ARHGAP15: variants seen among roughly 807,000 people sequenced by gnomAD.
ARHGAP15 encodes Rho GTPase activating protein 15.
A neutral mutation model predicts 63.7 loss-of-function variants in ARHGAP15; 51 were observed. The observed-to-expected ratio is 0.80, with a 90% CI of 0.64 to 1.01. The LOEUF is 1.01. ARHGAP15 is among the 50% of genes least tolerant of loss of function. ARHGAP15 has a pLI of 0.00. For missense variants in ARHGAP15, 560 were observed against 564.6 expected (o/e 0.99, Z 0.08); for synonymous variants, 191 against 193.8 (o/e 0.99, Z 0.12).
chr2:143,498,445 TC>T (rs1466721247), intron 9 of ARHGAP15, among the ~76,000 whole-genome samples: 1 of 152,208 alleles, frequency 6.6e-6, no homozygotes, highest in Non-Finnish European at 1.5e-5. Context: ...GAGGTATATC[TC>T]CCAGCTTTTC....
chr2:143,423,478 A>G (rs541858096), intron 6 of ARHGAP15, among the ~76,000 whole-genome samples: 12 of 152,290 alleles, frequency 7.9e-5, no homozygotes, highest in African/African-American at 2.9e-4. Flanking sequence ...GGCTGAATGC[A>G]GGGACATGTG....
intron 13 of ARHGAP15, among the ~76,000 whole-genome samples, chr2:143,723,790 T>C (rs1685164639): frequency 6.6e-6 from 1 of 152,178 alleles, no homozygotes; most frequent in Admixed American, 6.5e-5. Context: ...ATCACTGTGT[T>C]GATAGTACAT....
intron 13 of ARHGAP15, among the ~76,000 whole-genome samples, chr2:143,753,207 T>C (rs1686447350): frequency 6.6e-6 from 1 of 152,212 alleles, no homozygotes; most frequent in Admixed American, 6.5e-5. Context: ...GCAAGGAGGC[T>C]TATTGCAATT....
chr2:143,166,001 A>AGAAGGAAGGAAGGAAGGAAGGAAG (rs1553442877), intron 2 of ARHGAP15, among the ~76,000 whole-genome samples: 1 of 101,110 alleles, frequency 9.9e-6, no homozygotes, highest in African/African-American at 4.5e-5. Context: ...AAAGAAAGAA[A>AGAAGGAAGGAAGGAAGGAAGGAAG]GAAGGAAGGA....
intron 13 of ARHGAP15, chr2:143,706,457 C>G (rs1277663979): frequency 6.6e-6 from 1 of 152,054 alleles, no homozygotes; most frequent in Non-Finnish European, 1.5e-5. Context: ...GCCAAAAATT[C>G]CACTTGACCT....
chr2:143,401,125 G>T (rs1574395842), intron 6 of ARHGAP15, among the ~76,000 whole-genome samples: 1 of 152,092 alleles, frequency 6.6e-6, no homozygotes, highest in Non-Finnish European at 1.5e-5. Context: ...ACACATAAAT[G>T]TGACAACTAT....
intron 6 of ARHGAP15, among the ~76,000 whole-genome samples, chr2:143,390,434 C>T (rs1478171448): frequency 3.3e-5 from 5 of 152,126 alleles, no homozygotes; most frequent in Non-Finnish European, 5.9e-5. Flanking sequence ...ACAGGCCTCA[C>T]GGGGAGGCCT....
At chr2:143,437,230 G>A in intron 8 of ARHGAP15, 188 bp downstream of exon 8, 1 of 567,940 alleles carries the variant, frequency 1.8e-6, no homozygotes, top group Non-Finnish European at 3.0e-6. Flanking sequence ...TGTTGGTAAT[G>A]CCTTTTGAGA....
At chr2:143,504,980 T>G (rs1279976657) in intron 9 of ARHGAP15, among the ~76,000 whole-genome samples, 1 of 152,140 alleles carries the variant, frequency 6.6e-6, no homozygotes, top group Non-Finnish European at 1.5e-5. Flanking sequence ...TGCACCTGAT[T>G]TTTTAGGGCC....
intron 8 of ARHGAP15, among the ~76,000 whole-genome samples, chr2:143,438,712 T>A (rs1235118033): frequency 6.6e-6 from 1 of 152,206 alleles, no homozygotes; most frequent in Non-Finnish European, 1.5e-5. Flanking sequence ...TTTCCTTTCA[T>A]GCCTGATCAT....
chr2:143,435,473 C>A, intron 6 of ARHGAP15, 128 bp from the exon 7 acceptor site: 1 of 1,310,638 alleles, frequency 7.6e-7, no homozygotes, highest in East Asian at 2.9e-5. Flanking sequence ...AAGACAATTA[C>A]TGGAATACAA....
At chr2:143,591,290 CA>C (rs1248847447) in intron 11 of ARHGAP15, among the ~76,000 whole-genome samples, 3 of 152,044 alleles carry the variant, frequency 2.0e-5, no homozygotes, top group African/African-American at 7.2e-5. Flanking sequence ...GTAAAATTTT[CA>C]AAACATATGC....
intron 13 of ARHGAP15, among the ~76,000 whole-genome samples, chr2:143,765,001 T>C (rs1458565661): frequency 2.0e-5 from 3 of 152,186 alleles, no homozygotes; most frequent in African/African-American, 7.2e-5. Flanking sequence ...ATAAATCTTA[T>C]CAATTTAGGC....
chr2:143,556,452 A>G lies in ARHGAP15; in HGVS notation c.970A>G (p.Thr324Ala). Residue 324 changes from threonine (T) to alanine (A), a missense_variant, in exon 11 of 14, where the codon ACA (threonine) becomes GCA (alanine). Transcript: ENST00000295095. ...GIYRVSGNLATIQKLRFIVNQ... is the reference protein window; with the variant it reads ...GIYRVSGNLAAIQKLRFIVNQ... The stretch of plus-strand genomic sequence containing the variant: ...ATATCGAGTTAGTGGCAATCTGGCA[A>G]CAATACAGAAGTTAAGATTTATTGT... The G allele has an allele frequency of 6.2e-7, 1 of 1,612,498 alleles. No individual in the cohort carries two copies. The highest frequency in any genetic ancestry group is 8.5e-7 in the Non-Finnish European group (1 of 1,179,008).
At chr2:143,542,541 A>G (rs1024676944) in intron 10 of ARHGAP15, among the ~76,000 whole-genome samples, 2 of 150,780 alleles carry the variant, frequency 1.3e-5, no homozygotes, top group Non-Finnish European at 3.0e-5. Flanking sequence ...AGGATTTTTT[A>G]ATGGCTGAAT....
chr2:143,572,163 T>G (rs1696485854), intron 11 of ARHGAP15: 1 of 152,304 alleles, frequency 6.6e-6, no homozygotes. Context: ...ATGTGCCATC[T>G]GCATTGTAGG....
At chr2:143,390,577 C>T (rs530711938) in intron 6 of ARHGAP15, among the ~76,000 whole-genome samples, 20 of 152,206 alleles carry the variant, frequency 1.3e-4, no homozygotes, top group Middle Eastern at 3.4e-3. Context: ...ATTCATGGAG[C>T]AGGAGATGCT....
chr2:143,644,370 G>T (rs1390247218), intron 12 of ARHGAP15, among the ~76,000 whole-genome samples: 1 of 152,086 alleles, frequency 6.6e-6, no homozygotes, highest in African/African-American at 2.4e-5. Flanking sequence ...AAGACAGAAA[G>T]TTAGAGAGTG....
intron 5 of ARHGAP15, among the ~76,000 whole-genome samples, chr2:143,231,529 C>T (rs1445093932): frequency 6.6e-6 from 1 of 152,188 alleles, no homozygotes; most frequent in Non-Finnish European, 1.5e-5. Context: ...CAAAGTTTCC[C>T]GGTGCCCCCA....
Sources: allele counts gnomAD v4.1 joint callset (sites outside exome capture counted in the v4.1 genomes callset), GRCh38; gene constraint gnomAD v4.1.1; transcripts MANE v1.5; gene names NCBI Gene and HGNC (gene_info 2026-07-23, HGNC 2026-07-21).